Variants in NAALAD2 observed in about 807,000 individuals in gnomAD.
NAALAD2 encodes N-acetylated-alpha-linked acidic dipeptidase 2.
A neutral mutation model predicts 95.6 loss-of-function variants in NAALAD2; 89 were observed. The ratio of observed to expected loss-of-function variants is 0.93; its 90% CI spans 0.78 to 1.11. The LOEUF (loss-of-function observed/expected upper bound fraction) is 1.11. NAALAD2 is among the 50% of genes least tolerant of loss of function. NAALAD2 has a pLI of 0.00. For missense variants in NAALAD2, 894 were observed against 872.4 expected (o/e 1.02, Z -0.31); for synonymous variants, 264 against 294.4 (o/e 0.90, Z 1.06).
In NAALAD2 at chr11:90,163,047, AT is replaced by A; in HGVS notation, c.1075+19del. 4 of 1,513,986 alleles carry A rather than the reference AT, an allele frequency of 2.6e-6. No homozygotes were observed. The highest frequency in any genetic ancestry group is 3.6e-6 in the Non-Finnish European group (4 of 1,116,158). The allele number at this position is 1,513,986 out of a possible 1,614,324, so 93.8% of individuals were successfully genotyped here. Reference sequence around the variant, plus strand: ...TCTGTGGAACCTGGTGAGTCACATAATTTTTTAAAACATTTTGTTTTTACAA... The same window carrying A: ...TCTGTGGAACCTGGTGAGTCACATAATTTTTAAAACATTTTGTTTTTACAA... On this transcript the variant is annotated intron_variant, in intron 9 of 18. Coordinates refer to ENST00000534061, the MANE Select transcript of NAALAD2 (RefSeq NM_005467.4).
chr11:90,133,655 T>C (rs1345342923), upstream of NAALAD2, among the ~76,000 whole-genome samples: 1 of 152,198 alleles, frequency 6.6e-6, no homozygotes, highest in African/African-American at 2.4e-5. Context: ...GGGTAGTAAA[T>C]GAATTTTAGG....
At chr11:90,134,487 C>A (rs1951405276), upstream of NAALAD2, 3 of 447,382 alleles carry the variant, frequency 6.7e-6, no homozygotes, top group Non-Finnish European at 1.2e-5. Context: ...GCAGCTCCCG[C>A]CACCTACTAT....
At chr11:90,139,113 T>A (rs547769215) in intron 2 of NAALAD2, among the ~76,000 whole-genome samples, 1 of 152,088 alleles carries the variant, frequency 6.6e-6, no homozygotes, top group South Asian at 2.1e-4. Context: ...CAGAGGTGTC[T>A]TCCAATACCA....
chr11:90,178,101 C>A lies in NAALAD2; in HGVS notation c.1842C>A (p.Asp614Glu). The A allele has an allele frequency of 6.2e-7, 1 of 1,609,984 alleles. No individual in the cohort carries two copies. The highest frequency in any genetic ancestry group is 8.5e-7 in the Non-Finnish European group (1 of 1,178,700). The change falls in exon 16 of 19, where the codon GAC (aspartate) becomes GAA (glutamate). Residue 614 changes from aspartate (D) to glutamate (E), a missense_variant. Asp to Glu is a conservative substitution (Grantham distance 45). Coordinates refer to ENST00000534061, the MANE Select transcript of NAALAD2 (RefSeq NM_005467.4). ...LSKKHDQQLT[D>E]HGVSFDSLFS... The stretch of plus-strand genomic sequence containing the variant: ...AGAAACATGATCAACAATTGACAGA[C>A]CATGGAGTATCATTTGGTAAGAAAT...
rs561930923 is a variant in NAALAD2, at chr11:90,191,906, C to A, written c.*159C>A. ...TCATCTGCAAAGCCTTTTTTTTTTG[C>A]TCTTTAAAAGTTAATAATTATATTA... On this transcript the variant is annotated 3_prime_UTR_variant, in exon 19 of 19. Transcript: ENST00000534061. 3 of 440,640 alleles carry A rather than the reference C, an allele frequency of 6.8e-6. No individual in the cohort carries two copies. Among genetic ancestry groups the A allele is most frequent in the Non-Finnish European group, 1.1e-5 (3 of 269,316 alleles). 27.3% of individuals were successfully genotyped at this position (440,640 alleles called of 1,614,324 possible). A position where few individuals can be genotyped will look rare whatever the true frequency, so the allele number is the denominator to read the frequency against.
chr11:90,188,412 C>T (rs1227904920), intron 18 of NAALAD2, among the ~76,000 whole-genome samples: 1 of 152,154 alleles, frequency 6.6e-6, no homozygotes, highest in African/African-American at 2.4e-5. Context: ...TCCATTCCTG[C>T]TGCTATATCA....
At chr11:90,184,475 G>A (rs79028894) in intron 18 of NAALAD2, among the ~76,000 whole-genome samples, 3,774 of 152,092 alleles carry the variant, frequency 0.025, 171 homozygotes, top group African/African-American at 0.087. Context: ...CTTCATTGAT[G>A]CAAATGAAAT....
At chr11:90,155,163 TATTA>T (rs1388008607) in intron 6 of NAALAD2, among the ~76,000 whole-genome samples, 2 of 130,020 alleles carry the variant, frequency 1.5e-5, no homozygotes, top group East Asian at 4.4e-4. Flanking sequence ...TGTGTATATA[TATTA>T]TATACCTATA....
chr11:90,134,172 T>C (rs545113811), upstream of NAALAD2, among the ~76,000 whole-genome samples: 1 of 152,212 alleles, frequency 6.6e-6, no homozygotes, highest in African/African-American at 2.4e-5. Flanking sequence ...GGAAACAGAA[T>C]TACAGAAATG....
Position 90,150,469 on chromosome 11 carries a change from C to A in NAALAD2, c.484-13C>A, listed in dbSNP as rs779658748. Reference sequence around the variant, plus strand: ...ATTTTAGCAGTATTATATATATTTTCTTTTCCCTATAGGGAGATCTTGTAT... The same window carrying A: ...ATTTTAGCAGTATTATATATATTTTATTTTCCCTATAGGGAGATCTTGTAT... On this transcript the variant is annotated splice_polypyrimidine_tract_variant and intron_variant, in intron 4 of 18. Transcript: ENST00000534061. The A allele has an allele frequency of 6.6e-7, 1 of 1,514,428 alleles. No individual in the cohort carries two copies. The highest frequency in any genetic ancestry group is 1.3e-5 in the South Asian group (1 of 79,262). 93.8% of individuals were successfully genotyped at this position (1,514,428 alleles called of 1,614,324 possible).
intron 2 of NAALAD2, among the ~76,000 whole-genome samples, chr11:90,138,115 A>G (rs1307675625): frequency 1.3e-5 from 2 of 152,220 alleles, no homozygotes; most frequent in Non-Finnish European, 2.9e-5. Context: ...ATTAATATGT[A>G]TTTTGTATAT....
rs1857366159 is a variant in NAALAD2 at position 90,192,651 on chromosome 11, A to C, written c.*904A>C. ...CAGAATCATATACCTTCTCTTGTGA[A>C]ATCACCATGAAGTGTGAATGGTCAG... is the stretch of plus-strand genomic sequence containing the variant. On this transcript the variant is annotated 3_prime_UTR_variant, in exon 19 of 19. Transcript: ENST00000534061. The C allele has an allele frequency of 6.6e-6, 1 of 152,042 alleles. No individual in the cohort carries two copies. The highest frequency in any genetic ancestry group is 1.5e-5 in the Non-Finnish European group (1 of 67,894). 9.4% of individuals were successfully genotyped at this position (152,042 alleles called of 1,614,324 possible).
chr11:90,161,370 A>G (rs957721029), intron 8 of NAALAD2, among the ~76,000 whole-genome samples: 1 of 152,208 alleles, frequency 6.6e-6, no homozygotes, highest in Non-Finnish European at 1.5e-5. Flanking sequence ...ACTGACAGGT[A>G]AAGTTGACCA....
chr11:90,135,979 A>G (rs986026825), intron 2 of NAALAD2, among the ~76,000 whole-genome samples: 1 of 152,108 alleles, frequency 6.6e-6, no homozygotes, highest in South Asian at 2.1e-4. Flanking sequence ...TTAATCAGCA[A>G]TTTTCTTAGA....
chr11:90,160,298 A>G (rs974065669), intron 8 of NAALAD2, among the ~76,000 whole-genome samples: 1 of 152,136 alleles, frequency 6.6e-6, no homozygotes, highest in African/African-American at 2.4e-5. Flanking sequence ...GCGTGGCATG[A>G]TCAGAACTTC....
chr11:90,189,118 C>G (rs1267645785), intron 18 of NAALAD2, among the ~76,000 whole-genome samples: 1 of 150,100 alleles, frequency 6.7e-6, no homozygotes, highest in African/African-American at 2.5e-5. Flanking sequence ...TAGGGTGATG[C>G]CATTGCGAAA....
At chr11:90,169,391 C>G (rs969776242) in intron 12 of NAALAD2, 2 of 157,914 alleles carry the variant, frequency 1.3e-5, no homozygotes, top group African/African-American at 4.9e-5. Context: ...TTTGTTGTAA[C>G]AAATTTGAAG....
At chr11:90,136,053 A>G (rs1951448039) in intron 2 of NAALAD2, among the ~76,000 whole-genome samples, 1 of 152,160 alleles carries the variant, frequency 6.6e-6, no homozygotes, top group South Asian at 2.1e-4. Flanking sequence ...AAAAGTGATC[A>G]AAGTGTCTGA....
intron 16 of NAALAD2, among the ~76,000 whole-genome samples, chr11:90,179,521 G>A (rs566717593): frequency 6.8e-4 from 103 of 151,994 alleles, no homozygotes; most frequent in South Asian, 3.3e-3. Context: ...AGTAATAATA[G>A]CAAATACTAT....
Sources: allele counts gnomAD v4.1 joint callset (sites outside exome capture counted in the v4.1 genomes callset), GRCh38; gene constraint gnomAD v4.1.1; transcripts MANE v1.5; gene names NCBI Gene and HGNC (gene_info 2026-07-23, HGNC 2026-07-21).